EPS8L3: variants seen among roughly 807,000 people sequenced by gnomAD.
The protein encoded by EPS8L3 is epidermal growth factor receptor kinase substrate 8-like protein 3.
In EPS8L3, 80 loss-of-function variants were observed where a neutral mutation model predicts 88.5. The ratio of observed to expected loss-of-function variants is 0.90; its 90% CI spans 0.75 to 1.09. The LOEUF is 1.09. Ranked by LOEUF, EPS8L3 falls within the 50% of genes least tolerant of loss-of-function variation. The pLI is 0.00. For synonymous variants in EPS8L3, 286 were observed against 291.0 expected (o/e 0.98, Z 0.18); for missense variants, 721 against 735.2 (o/e 0.98, Z 0.22).
rs771994645 is a variant in EPS8L3, at chr1:109,751,789, A to G, written c.1435-7T>C. 6.2e-7 allele frequency: 1 copy of G among 1,613,082 alleles called. No individual in the cohort carries two copies. Among genetic ancestry groups the G allele is most frequent in the Non-Finnish European group, 8.5e-7 (1 of 1,179,940 alleles). ...GCTTGCTGTGGTCCAGAACCTGCCAAGAGTCACCACCTCAGTCCCCTGAGC... is the reference window on the plus strand; with the variant it reads ...GCTTGCTGTGGTCCAGAACCTGCCAGGAGTCACCACCTCAGTCCCCTGAGC... On this transcript the variant is annotated splice_polypyrimidine_tract_variant and splice_region_variant and intron_variant, in intron 15 of 18. Coordinates refer to ENST00000361965, the MANE Select transcript of EPS8L3 (RefSeq NM_133181.4).
At position 109,750,275 on chromosome 1, in the gene EPS8L3, T is replaced by C; in HGVS notation, c.*116A>G. On this transcript the variant is annotated 3_prime_UTR_variant, in exon 19 of 19. Coordinates refer to ENST00000361965, the MANE Select transcript of EPS8L3 (RefSeq NM_133181.4). ...ATTGTTTTTGCTGTGTGAGCTGGGG[T>C]GTGGGGTTTGCTGCAAACTGGGATC... 1 of 1,244,280 alleles carries C rather than the reference T, an allele frequency of 8.0e-7. No homozygotes were observed. Among genetic ancestry groups the C allele is most frequent in the Non-Finnish European group, 1.2e-6 (1 of 867,468 alleles). The allele number at this position is 1,244,280 out of a possible 1,614,324, so 77.1% of individuals were successfully genotyped here.
chr1:109,756,259 A>G (rs916102700), intron 12 of EPS8L3, among the ~76,000 whole-genome samples: 4 of 152,198 alleles, frequency 2.6e-5, no homozygotes, highest in Non-Finnish European at 5.9e-5. Context: ...GTTTTTTGAG[A>G]TGGAGTTTTG....
intron 10 of EPS8L3, 41 bp downstream of exon 10, chr1:109,757,761 G>C (rs779100789): frequency 6.3e-6 from 10 of 1,588,486 alleles, no homozygotes; most frequent in Non-Finnish European, 7.8e-6. Flanking sequence ...GGGAGGAAGG[G>C]GAAGAGGAGA....
rs549252321 is a variant in EPS8L3 at position 109,758,319 on chromosome 1, G to A, written c.714C>T (p.Asp238=). ...ACTCAAGACCATCCGCAGTTACCTC[G>A]TCCCTCTCTGGGTCCTCGGGGGAAG... is the stretch of plus-strand genomic sequence containing the variant. ...RSSSPEDPER[D]EEVLNHVLRD... The change falls in exon 8 of 19, where the codon GAC becomes GAT. Residue 238 remains aspartate (D), a synonymous_variant. Coordinates refer to ENST00000361965, the MANE Select transcript of EPS8L3 (RefSeq NM_133181.4). The A allele has an allele frequency of 6.2e-6, 10 of 1,612,792 alleles. No individual in the cohort carries two copies. The highest frequency in any genetic ancestry group is 2.2e-5 in the South Asian group (2 of 90,942).
Position 109,759,195 on chromosome 1 carries a change from G to A in EPS8L3, c.405+43C>T. ...TGTGTGTGTGTGTGGTGGGGTGATG[G>A]TCGATGAACCCCACCCCTGACCAAT... On this transcript the variant is annotated intron_variant, in intron 5 of 18. Transcript: ENST00000361965. The surrounding 1 kb of genome is among the most constrained non-coding windows in gnomAD (Gnocchi z 4.2). 1.3e-6 allele frequency: 2 copies of A among 1,599,736 alleles called. No individual in the cohort carries two copies. Among genetic ancestry groups the A allele is most frequent in the Non-Finnish European group, 1.7e-6 (2 of 1,168,716 alleles).
chr1:109,755,371 T>C (rs1200040223), intron 12 of EPS8L3, among the ~76,000 whole-genome samples: 8 of 152,140 alleles, frequency 5.3e-5, no homozygotes, highest in Admixed American at 4.6e-4. Context: ...AATTATACAC[T>C]TAAAACGGTT....
chr1:109,761,624 C>G, intron 2 of EPS8L3, 65 bp from the exon 3 acceptor site: 1 of 1,607,776 alleles, frequency 6.2e-7, no homozygotes, highest in Non-Finnish European at 8.5e-7. Flanking sequence ...CAGGCAACTG[C>G]TGGGGGCAGT....
In EPS8L3 at chr1:109,757,609, C is replaced by T. The variant is rs189630266; in HGVS notation, c.895-54G>A. 7.8e-6 allele frequency: 12 copies of T among 1,539,186 alleles called. No individual in the cohort carries two copies. In the Admixed American group the frequency reaches 1.2e-4, roughly 16 times the overall value. On this transcript the variant is annotated intron_variant, in intron 10 of 18. Transcript: ENST00000361965. ...ACCCTTCACCCCACCCCATCTTCAC[C>T]AGGTCACCATAATTGTTTTATGCCT... is the stretch of plus-strand genomic sequence containing the variant.
chr1:109,759,592 G>T lies in EPS8L3; in HGVS notation c.255+86C>A. 1 of 1,520,688 alleles carries T rather than the reference G, an allele frequency of 6.6e-7. No individual in the cohort carries two copies. The highest frequency in any genetic ancestry group is 8.9e-7 in the Non-Finnish European group (1 of 1,127,694). 94.2% of individuals were successfully genotyped at this position (1,520,688 alleles called of 1,614,324 possible). A position where few individuals can be genotyped will look rare whatever the true frequency, so the allele number is the denominator to read the frequency against. ...TATGTGGGGAGAGTGGCTGCCCTTT[G>T]GGGCATGGAGGGTGGAGTTCAAGAG... On this transcript the variant is annotated intron_variant, in intron 4 of 18. Transcript: ENST00000361965. The surrounding 1 kb of genome is among the most constrained non-coding windows in gnomAD (Gnocchi z 4.2).
intron 8 of EPS8L3, 122 bp from the exon 9 acceptor site, chr1:109,758,180 A>G (rs1650490659): frequency 7.8e-7 from 1 of 1,288,518 alleles, no homozygotes; most frequent in African/African-American, 1.5e-5. Context: ...TGGAGTATAA[A>G]CAAGCCTCTC....
At chr1:109,754,923 T>G (rs1248743629) in intron 12 of EPS8L3, among the ~76,000 whole-genome samples, 2 of 152,204 alleles carry the variant, frequency 1.3e-5, no homozygotes, top group Non-Finnish European at 2.9e-5. Flanking sequence ...CCAGAACTGA[T>G]AAGTAATTTC....
In EPS8L3 at chr1:109,750,689, G is replaced by A. The variant is rs554030593; in HGVS notation, c.1741C>T (p.Arg581Trp). The A allele has an allele frequency of 5.5e-5, 88 of 1,614,208 alleles. No homozygotes were observed. The highest frequency in any genetic ancestry group is 5.0e-4 in the Admixed American group (30 of 60,030). The change falls in exon 18 of 19, where the codon CGG becomes TGG. Residue 581 changes from arginine (R) to tryptophan (W), a missense_variant. By Grantham distance (101) the Arg-to-Trp change is moderately radical. Coordinates refer to ENST00000361965, the MANE Select transcript of EPS8L3 (RefSeq NM_133181.4). ...CPQEAPRILSRLEAVRRMLGI... is the reference protein window; with the variant it reads ...CPQEAPRILSWLEAVRRMLGI... Reference sequence around the variant, plus strand: ...AGCATCCTTCTGACAGCCTCCAGCCGGGACAGGATTCGTGGGGCCTCCTGT... The same window carrying A: ...AGCATCCTTCTGACAGCCTCCAGCCAGGACAGGATTCGTGGGGCCTCCTGT...
At chr1:109,761,438 C>T (rs1260281206) in intron 3 of EPS8L3, 57 bp downstream of exon 3, 4 of 1,481,128 alleles carry the variant, frequency 2.7e-6, no homozygotes, top group Non-Finnish European at 1.9e-6. Context: ...GGGCGGTGGG[C>T]ACATGGGAAC....
In EPS8L3 at chr1:109,759,301, G is replaced by A; in HGVS notation, c.342C>T (p.Ile114=). The change falls in exon 5 of 19, where the codon ATC becomes ATT. Residue 114 remains isoleucine (I), a synonymous_variant. Coordinates refer to ENST00000361965, the MANE Select transcript of EPS8L3 (RefSeq NM_133181.4). This position sits in a 1 kb window ranked among gnomAD's most constrained non-coding sequence, Gnocchi z 4.2. ...NTCSYNSILS[I]TVQEPGLPGT... is the part of the protein sequence containing the mutation. ...CTGGCAGGCCCGGCTCCTGCACGGTGATGGACAGGATGGAGTTGTAGGAAC... is the reference window on the plus strand; with the variant it reads ...CTGGCAGGCCCGGCTCCTGCACGGTAATGGACAGGATGGAGTTGTAGGAAC... The A allele has an allele frequency of 1.2e-6, 2 of 1,614,180 alleles. No individual in the cohort carries two copies.
chr1:109,756,745 A>G (rs1650317403), intron 12 of EPS8L3, among the ~76,000 whole-genome samples: 1 of 152,214 alleles, frequency 6.6e-6, no homozygotes, highest in African/African-American at 2.4e-5. Flanking sequence ...TTTTAGTAGA[A>G]GGTTGCCATC....
intron 12 of EPS8L3, among the ~76,000 whole-genome samples, chr1:109,754,996 G>A (rs1275615897): frequency 2.6e-5 from 4 of 152,206 alleles, no homozygotes; most frequent in African/African-American, 7.2e-5. Flanking sequence ...CAACCCATCT[G>A]TCCATCAACA....
In EPS8L3 at chr1:109,761,490, C is replaced by G. The variant is rs376788539; in HGVS notation, c.96+5G>C. ...ACACTGCCCGGGGGCTGCAGAGGTACTCACCTCCACCCTGTGCTGCAGGAG... is the reference window on the plus strand; with the variant it reads ...ACACTGCCCGGGGGCTGCAGAGGTAGTCACCTCCACCCTGTGCTGCAGGAG... On this transcript the variant is annotated splice_donor_5th_base_variant and intron_variant, in intron 3 of 18. Transcript: ENST00000361965. The G allele has an allele frequency of 6.2e-5, 99 of 1,609,032 alleles. No individual in the cohort carries two copies. The highest frequency in any genetic ancestry group is 8.3e-5 in the Non-Finnish European group (98 of 1,176,466).
At chr1:109,754,804 C>T (rs1650131759) in intron 12 of EPS8L3, among the ~76,000 whole-genome samples, 2 of 152,186 alleles carry the variant, frequency 1.3e-5, no homozygotes, top group African/African-American at 4.8e-5. Flanking sequence ...GAGCTATTCC[C>T]ACAGACAGTG....
chr1:109,756,379 C>T (rs1288833069), intron 12 of EPS8L3, among the ~76,000 whole-genome samples: 1 of 152,226 alleles, frequency 6.6e-6, no homozygotes, highest in Non-Finnish European at 1.5e-5. Flanking sequence ...GCTGGGTTTA[C>T]AGGCATGCAC....
Sources: allele counts gnomAD v4.1 joint callset (sites outside exome capture counted in the v4.1 genomes callset), GRCh38; gene constraint gnomAD v4.1.1; non-coding constraint Gnocchi (gnomAD v3.1); transcripts MANE v1.5; gene names NCBI Gene and HGNC (gene_info 2026-07-23, HGNC 2026-07-21).